CNTN4: variants seen among roughly 807,000 people sequenced by gnomAD.
The protein encoded by CNTN4 is contactin-4.
In CNTN4, 77 loss-of-function variants were observed where a neutral mutation model predicts 122.5. That is an observed-to-expected ratio of 0.63 (90% CI 0.52 to 0.76). CNTN4 has a LOEUF of 0.76. Ranked by LOEUF, CNTN4 falls within the 30% of genes least tolerant of loss-of-function variation. The pLI, the probability that CNTN4 is intolerant of heterozygous loss-of-function variation, is 0.00. For missense variants in CNTN4, 1,256 were observed against 1,259.1 expected, an observed-to-expected ratio of 1.00 and a Z score of 0.04; for synonymous variants, 512 against 447.0, an observed-to-expected ratio of 1.15 and a Z score of -1.83.
chr3:2,115,236 G>A (rs979013174), intron 2 of CNTN4, among the ~76,000 whole-genome samples: 1 of 152,200 alleles, frequency 6.6e-6, no homozygotes, highest in Non-Finnish European at 1.5e-5. Context: ...GTTAGTAGAT[G>A]TATGCTTTTT....
At chr3:2,890,059 T>C (rs2094021273) in intron 10 of CNTN4, among the ~76,000 whole-genome samples, 1 of 152,234 alleles carries the variant, frequency 6.6e-6, no homozygotes, top group Non-Finnish European at 1.5e-5. Flanking sequence ...TTTCTGAAGA[T>C]AACTCAGCCT....
intron 14 of CNTN4, among the ~76,000 whole-genome samples, chr3:3,009,989 A>G (rs546231321): frequency 6.6e-6 from 1 of 150,738 alleles, no homozygotes; most frequent in African/African-American, 2.4e-5. Context: ...ACCTAGTCTC[A>G]TTTGGAAGAA....
chr3:2,572,072 A>G (rs1020588509), intron 4 of CNTN4, among the ~76,000 whole-genome samples: 2 of 152,168 alleles, frequency 1.3e-5, no homozygotes, highest in African/African-American at 4.8e-5. Context: ...CTCATGGCCA[A>G]CTACTAGAAA....
chr3:2,765,457 A>T (rs1446430065), intron 6 of CNTN4, among the ~76,000 whole-genome samples: 1 of 152,200 alleles, frequency 6.6e-6, no homozygotes, highest in Non-Finnish European at 1.5e-5. Flanking sequence ...AAGAATTAGA[A>T]AACATATGTG....
At chr3:2,932,739 A>G (rs2094532383) in intron 13 of CNTN4, among the ~76,000 whole-genome samples, 1 of 152,288 alleles carries the variant, frequency 6.6e-6, no homozygotes, top group South Asian at 2.1e-4. Flanking sequence ...TTAAAAGGGA[A>G]AGAGCAAGCA....
intron 3 of CNTN4, among the ~76,000 whole-genome samples, chr3:2,520,950 A>G (rs1262373844): frequency 6.6e-6 from 1 of 152,136 alleles, no homozygotes; most frequent in Non-Finnish European, 1.5e-5. Context: ...AAAATGAACA[A>G]TATGAACAAA....
intron 3 of CNTN4, among the ~76,000 whole-genome samples, chr3:2,509,121 G>C (rs1575802255): frequency 6.6e-6 from 1 of 152,182 alleles, no homozygotes. Flanking sequence ...TATTTCGGCT[G>C]TACCACTGAA....
chr3:2,274,926 T>C (rs1196960216), intron 2 of CNTN4, among the ~76,000 whole-genome samples: 4 of 152,136 alleles, frequency 2.6e-5, no homozygotes, highest in Non-Finnish European at 5.9e-5. Context: ...TGATACTGTG[T>C]CAAAGGGCAC....
chr3:2,216,352 A>C (rs1380526331), intron 2 of CNTN4, among the ~76,000 whole-genome samples: 1 of 152,186 alleles, frequency 6.6e-6, no homozygotes, highest in African/African-American at 2.4e-5. Context: ...TTATGAACAC[A>C]GATGTGGAAA....
At chr3:2,169,619 G>A (rs775711858) in intron 2 of CNTN4, among the ~76,000 whole-genome samples, 14 of 151,696 alleles carry the variant, frequency 9.2e-5, no homozygotes, top group Non-Finnish European at 1.8e-4. Context: ...GGATGGTCTC[G>A]ATCTCCTGAC....
chr3:2,677,342 G>C (rs74683114), intron 4 of CNTN4, among the ~76,000 whole-genome samples: 1 of 107,406 alleles, frequency 9.3e-6, no homozygotes, highest in African/African-American at 3.5e-5. Context: ...TTTTTTTTTT[G>C]TGGTGGGGGG....
At chr3:2,328,319 T>G (rs2150268720) in intron 2 of CNTN4, among the ~76,000 whole-genome samples, 1 of 150,372 alleles carries the variant, frequency 6.7e-6, no homozygotes, top group South Asian at 2.1e-4. Flanking sequence ...GGCAGGAGAA[T>G]GGCGGGAACC....
chr3:2,123,488 G>A (rs1389802228), intron 2 of CNTN4, among the ~76,000 whole-genome samples: 1 of 152,148 alleles, frequency 6.6e-6, no homozygotes, highest in African/African-American at 2.4e-5. Flanking sequence ...CTTTCCTTTG[G>A]TTGGTCCAGC....
intron 2 of CNTN4, among the ~76,000 whole-genome samples, chr3:2,105,622 A>G (rs373843133): frequency 1.3e-5 from 2 of 152,154 alleles, no homozygotes; most frequent in Admixed American, 6.5e-5. Flanking sequence ...CCACAATGCA[A>G]TCACCTCCTA....
At chr3:2,714,593 A>G (rs1374304091) in intron 4 of CNTN4, among the ~76,000 whole-genome samples, 1 of 152,180 alleles carries the variant, frequency 6.6e-6, no homozygotes, top group Non-Finnish European at 1.5e-5. Context: ...CTCAGCCCCA[A>G]AGACAAGGCA....
chr3:2,117,855 A>G (rs1476672815), intron 2 of CNTN4, among the ~76,000 whole-genome samples: 2 of 152,290 alleles, frequency 1.3e-5, no homozygotes, highest in East Asian at 1.9e-4. Context: ...TTATTTAACA[A>G]TGTGTCCCAC....
chr3:2,661,578 C>T (rs1336879247), intron 4 of CNTN4, among the ~76,000 whole-genome samples: 3 of 151,576 alleles, frequency 2.0e-5, no homozygotes, highest in East Asian at 3.9e-4. Context: ...TTTGGAAGGC[C>T]GAGGTGGGCG....
At chr3:2,575,152 G>C (rs1223421227) in intron 4 of CNTN4, among the ~76,000 whole-genome samples, 2 of 152,050 alleles carry the variant, frequency 1.3e-5, no homozygotes, top group South Asian at 2.1e-4. Flanking sequence ...CAAATTATAT[G>C]AATATGTTAA....
chr3:2,617,521 A>C (rs2081813810), intron 4 of CNTN4, among the ~76,000 whole-genome samples: 5 of 144,728 alleles, frequency 3.5e-5, no homozygotes. Flanking sequence ...CCCGGGTTCA[A>C]GTGATTCTCC....
Sources: allele counts gnomAD v4.1 joint callset (sites outside exome capture counted in the v4.1 genomes callset), GRCh38; gene constraint gnomAD v4.1.1; transcripts MANE v1.5; gene names NCBI Gene and HGNC (gene_info 2026-07-23, HGNC 2026-07-21).